The following RADIL variants were observed in gnomAD, a reference collection of about 807,000 sequenced individuals.
The protein encoded by RADIL is Rap associating with DIL domain.
In RADIL, 99 loss-of-function variants were observed where a neutral mutation model predicts 97.6. That is an observed-to-expected ratio of 1.01 (90% CI 0.86 to 1.20). The LOEUF is 1.20. Ranked by LOEUF, RADIL falls within the 50% of genes most tolerant of loss-of-function variation. The pLI is 0.00. For missense variants in RADIL, 1,765 were observed against 1,498.9 expected (o/e 1.18, Z -2.93); for synonymous variants, 803 against 691.8 (o/e 1.16, Z -2.52).
intron 2 of RADIL, chr7:4,857,819 G>T (rs1228506118): frequency 6.6e-6 from 1 of 152,452 alleles, no homozygotes; most frequent in Non-Finnish European, 1.5e-5. Context: ...TATACCAGGA[G>T]TACAGATACC....
chr7:4,840,932 A>C lies in RADIL; in HGVS notation c.536-4327T>G, dbSNP rs1783424382. 6.6e-6 allele frequency among the ~76,000 whole-genome samples: 1 copy of C among 152,222 alleles called. No homozygotes were observed. On this transcript the variant is annotated intron_variant, in intron 2 of 14. Transcript: ENST00000399583. The surrounding 1 kb of genome is among the most constrained non-coding windows in gnomAD (Gnocchi z 5.6). Reference sequence around the variant, plus strand: ...CAGTGACCTGAGATCGCACCACTGCACTCCAGCCTGGGTGACAGAGCGAGA... The same window carrying C: ...CAGTGACCTGAGATCGCACCACTGCCCTCCAGCCTGGGTGACAGAGCGAGA...
At chr7:4,839,476 C>T (rs77721416) in intron 2 of RADIL, among the ~76,000 whole-genome samples, 1,567 of 152,110 alleles carry the variant, frequency 0.01, 24 homozygotes, top group African/African-American at 0.036. Flanking sequence ...TACCACATGG[C>T]GGCTGTCCTC....
At chr7:4,805,292 G>C (rs1343766866) in intron 10 of RADIL, 2 of 407,644 alleles carry the variant, frequency 4.9e-6, no homozygotes, top group Admixed American at 7.8e-5. Flanking sequence ...GGCTCCGTGA[G>C]GGAACGAGGG....
At chr7:4,805,050 C>T (rs1562427166) in intron 10 of RADIL, among the ~76,000 whole-genome samples, 2 of 150,440 alleles carry the variant, frequency 1.3e-5, no homozygotes, top group Non-Finnish European at 3.0e-5. Flanking sequence ...GCTGAGATTG[C>T]ACCACTGCAC....
chr7:4,871,568 G>T (rs1784255912), intron 2 of RADIL, among the ~76,000 whole-genome samples: 1 of 152,174 alleles, frequency 6.6e-6, no homozygotes, highest in Admixed American at 6.5e-5. Context: ...CGCAGCACTG[G>T]GGGCAGGAGG....
Position 4,798,952 on chromosome 7 carries a change from G to T in RADIL, c.*426C>A. 1 of 191,630 alleles carries T rather than the reference G, an allele frequency of 5.2e-6. No homozygotes were observed. The highest frequency in any genetic ancestry group is 8.8e-5 in the South Asian group (1 of 11,420). The allele number at this position is 191,630 out of a possible 1,614,324, so 11.9% of individuals were successfully genotyped here. ...CAGTGCCCTGTGTCTGGGTGGGACG[G>T]GGGCAGGGAGAGTCAGTTCAGATGA... is the stretch of plus-strand genomic sequence containing the variant. On this transcript the variant is annotated 3_prime_UTR_variant, in exon 15 of 15. Coordinates refer to ENST00000399583, the MANE Select transcript of RADIL (RefSeq NM_018059.5).
chr7:4,815,519 C>T lies in RADIL; in HGVS notation c.1967-69G>A, dbSNP rs1212351800. The T allele has an allele frequency of 3.6e-6, 5 of 1,407,484 alleles. No individual in the cohort carries two copies. Among genetic ancestry groups the T allele is most frequent in the Middle Eastern group, 2.3e-4 (1 of 4,374 alleles). The allele number at this position is 1,407,484 out of a possible 1,614,324, so 87.2% of individuals were successfully genotyped here. On this transcript the variant is annotated intron_variant, in intron 8 of 14. Transcript: ENST00000399583. The surrounding 1 kb of genome is among the most constrained non-coding windows in gnomAD (Gnocchi z 8.0). ...GGGGGGACACAGACATGGGCCTGTC[C>T]CCAGAGCCTGCCCTTCCCGGCTCTG... is the stretch of plus-strand genomic sequence containing the variant.
At chr7:4,825,883 G>GAAA (rs540147941) in intron 5 of RADIL, among the ~76,000 whole-genome samples, 38 of 51,016 alleles carry the variant, frequency 7.4e-4, no homozygotes, top group Admixed American at 1.3e-3. Flanking sequence ...CTCCGTCTCA[G>GAAA]AAAAAAAAAA....
rs116270677 is a variant in RADIL, at chr7:4,804,237, G to A, written c.2291-483C>T. On this transcript the variant is annotated intron_variant, in intron 10 of 14. Coordinates refer to ENST00000399583, the MANE Select transcript of RADIL (RefSeq NM_018059.5). ...GGAGCACCTTTCAGGCGGCGGAAGA[G>A]TGCGTGCATACTGAGCTCCTAGCTC... 5.7e-3 allele frequency among the ~76,000 whole-genome samples: 869 copies of A among 152,356 alleles called. 8 individuals carry two copies. The highest frequency in any genetic ancestry group is 0.02 in the African/African-American group (821 of 41,578).
rs1373358275 is a variant in RADIL, at chr7:4,809,486, T to C, written c.2140-3770A>G. ...GAATTTCCCCCGAGGAACACGCTTG[T>C]GTGTCCAGCCCCCAAAACAAGAACA... On this transcript the variant is annotated intron_variant, in intron 9 of 14. Coordinates refer to ENST00000399583, the MANE Select transcript of RADIL (RefSeq NM_018059.5). 9 of 985,226 alleles carry C rather than the reference T, an allele frequency of 9.1e-6. No individual in the cohort carries two copies. The East Asian group carries it at 8.0e-4, about 87-fold the overall frequency. The allele number at this position is 985,226 out of a possible 1,614,324, so 61.0% of individuals were successfully genotyped here. A position where few individuals can be genotyped will look rare whatever the true frequency, so the allele number is the denominator to read the frequency against.
At chr7:4,810,332 AT>A (rs1782505163) in intron 9 of RADIL, among the ~76,000 whole-genome samples, 1 of 151,928 alleles carries the variant, frequency 6.6e-6, no homozygotes, top group Non-Finnish European at 1.5e-5. Flanking sequence ...TTAAAAAAAA[AT>A]TTATGTTTGG....
intron 10 of RADIL, 149 bp downstream of exon 10, chr7:4,805,417 T>A: frequency 1.1e-6 from 1 of 927,538 alleles, no homozygotes; most frequent in Non-Finnish European, 1.5e-6. Context: ...GGCGGGGGGG[T>A]CCTCTGGGTG....
chr7:4,866,554 T>C (rs1489521404), intron 2 of RADIL, among the ~76,000 whole-genome samples: 1 of 152,202 alleles, frequency 6.6e-6, no homozygotes, highest in East Asian at 1.9e-4. Context: ...AATCTATACG[T>C]TGTGACCTTG....
chr7:4,809,262 G>C (rs1220867249), intron 9 of RADIL: 2 of 985,242 alleles, frequency 2.0e-6, no homozygotes, highest in Admixed American at 1.2e-4. Flanking sequence ...CAAGCTGGGC[G>C]AGAGGCCGGG....
At chr7:4,825,499 G>A (rs1010189317) in intron 5 of RADIL, among the ~76,000 whole-genome samples, 1 of 152,182 alleles carries the variant, frequency 6.6e-6, no homozygotes. Context: ...GAGGTTGTGA[G>A]TGAGAAAGCA....
chr7:4,826,043 G>C (rs1308793385), intron 5 of RADIL, among the ~76,000 whole-genome samples: 1 of 151,566 alleles, frequency 6.6e-6, no homozygotes, highest in Non-Finnish European at 1.5e-5. Context: ...TGTCTCTACA[G>C]AAAAAATCAA....
chr7:4,836,396 G>A lies in RADIL; in HGVS notation c.745C>T (p.Pro249Ser). The part of the protein sequence containing the change: ...DAMRYSLYQS[P>S]HLLLLQGYSQ... ...TAGCCCTGCAGAAGGAGCAGATGCG[G>A]GGACTGGTACAGCGAGTACCGCATG... The change falls in exon 3 of 15, where the codon CCG becomes TCG. Residue 249 changes from proline (P) to serine (S), a missense_variant. Transcript: ENST00000399583. 2 of 1,577,806 alleles carry A rather than the reference G, an allele frequency of 1.3e-6. No homozygotes were observed. The highest frequency in any genetic ancestry group is 1.7e-6 in the Non-Finnish European group (2 of 1,161,826).
intron 2 of RADIL, chr7:4,860,219 T>C (rs79234146): frequency 1.2e-6 from 2 of 1,614,040 alleles, no homozygotes; most frequent in Non-Finnish European, 1.7e-6. Context: ...CATGCTGTTT[T>C]CACAGCCTGC....
At chr7:4,816,575 G>A (rs984235307) in intron 7 of RADIL, 110 bp from the exon 8 acceptor site, 12 of 832,188 alleles carry the variant, frequency 1.4e-5, no homozygotes, top group East Asian at 7.8e-5. Context: ...GCAGGGACCC[G>A]GCCTCGGTAG....
Sources: allele counts gnomAD v4.1 joint callset (sites outside exome capture counted in the v4.1 genomes callset), GRCh38; gene constraint gnomAD v4.1.1; non-coding constraint Gnocchi (gnomAD v3.1); transcripts MANE v1.5; gene names NCBI Gene and HGNC (gene_info 2026-07-23, HGNC 2026-07-21).